The following SH2D1B variants were observed in gnomAD, a reference collection of about 807,000 sequenced individuals.
The protein encoded by SH2D1B is SH2 domain containing 1B.
Under a neutral mutation model 16.3 loss-of-function variants are expected in SH2D1B, and 11 were observed. That is an observed-to-expected ratio of 0.67 (90% CI 0.42 to 1.11). The LOEUF is 1.11. Among genes scored for constraint, SH2D1B ranks in the 50% most tolerant of loss-of-function variants. SH2D1B has a pLI of 0.00. For synonymous variants in SH2D1B, 55 were observed against 56.1 expected, an observed-to-expected ratio of 0.98 and a Z score of 0.09; for missense variants, 123 against 153.1, an observed-to-expected ratio of 0.80 and a Z score of 1.04.
chr1:162,399,721 ATC>A (rs1571271379), intron 2 of SH2D1B, among the ~76,000 whole-genome samples: 1 of 152,128 alleles, frequency 6.6e-6, no homozygotes, highest in Non-Finnish European at 1.5e-5. Flanking sequence ...ATGTGTTCTT[ATC>A]ATTCAGCTCC....
chr1:162,400,239 T>C (rs1648478502), intron 2 of SH2D1B, among the ~76,000 whole-genome samples: 1 of 151,872 alleles, frequency 6.6e-6, no homozygotes, highest in Admixed American at 6.6e-5. Flanking sequence ...CACAACTCAG[T>C]TAAGTTGTAA....
chr1:162,404,489 T>C (rs1648605488), intron 1 of SH2D1B, among the ~76,000 whole-genome samples: 1 of 152,210 alleles, frequency 6.6e-6, no homozygotes, highest in Non-Finnish European at 1.5e-5. Flanking sequence ...ATATATATTT[T>C]AAAACATCAC....
chr1:162,411,984 G>T lies in SH2D1B; in HGVS notation c.33C>A (p.Thr11=). 1.2e-6 allele frequency: 2 copies of T among 1,614,128 alleles called. No homozygotes were observed. Among genetic ancestry groups the T allele is most frequent in the Non-Finnish European group, 1.7e-6 (2 of 1,180,018 alleles). MDLPYYHGRL[T]KQDCETLLLK... ...GCAGCAAGGTCTCACAGTCTTGCTT[G>T]GTCAGACGTCCATGGTAGTAAGGCA... Residue 11 remains threonine (T), a synonymous_variant, in exon 1 of 4, where the codon ACC becomes ACA. Transcript: ENST00000367929.
At chr1:162,410,440 G>A (rs1323256724) in intron 1 of SH2D1B, among the ~76,000 whole-genome samples, 1 of 152,118 alleles carries the variant, frequency 6.6e-6, no homozygotes, top group Non-Finnish European at 1.5e-5. Flanking sequence ...AAGTGACATT[G>A]AGTAATTTTT....
chr1:162,411,319 T>C (rs1272726611), intron 1 of SH2D1B, among the ~76,000 whole-genome samples: 1 of 152,200 alleles, frequency 6.6e-6, no homozygotes, highest in African/African-American at 2.4e-5. Flanking sequence ...AACAAATTAT[T>C]TGAGAAATTC....
Position 162,412,112 on chromosome 1 carries a change from C to G in SH2D1B, c.-96G>C. 6.6e-7 allele frequency: 1 copy of G among 1,517,614 alleles called. No homozygotes were observed. The allele number at this position is 1,517,614 out of a possible 1,614,324, so 94.0% of individuals were successfully genotyped here. A position where few individuals can be genotyped will look rare whatever the true frequency, so the allele number is the denominator to read the frequency against. ...AGGAGAGATGTGTAAGCAGCTGTAC[C>G]TCCTGTGGAGCTACCTCTTCCTCTA... On this transcript the variant is annotated 5_prime_UTR_variant, in exon 1 of 4. Coordinates refer to ENST00000367929, the MANE Select transcript of SH2D1B (RefSeq NM_053282.5).
At position 162,399,048 on chromosome 1, in the gene SH2D1B, T is replaced by C. The variant is rs1374307009; in HGVS notation, c.238A>G (p.Lys80Glu). ...GSPKQVFPSLKELISKFEKPN... is the reference protein window; with the variant it reads ...GSPKQVFPSLEELISKFEKPN... ...TTTTCAAATTTGGAGATCAGTTCCT[T>C]TAGGCTTGGAAAGACCTGTTTTGGA... Residue 80 changes from lysine to glutamate, a missense_variant, in exon 3 of 4, where the codon AAG becomes GAG. Physicochemically the swap from Lys to Glu is moderately conservative, Grantham distance 56 (BLOSUM62 1). Transcript: ENST00000367929. The C allele has an allele frequency of 1.2e-6, 2 of 1,614,046 alleles. No homozygotes were observed. The highest frequency in any genetic ancestry group is 1.7e-5 in the Admixed American group (1 of 60,028).
intron 1 of SH2D1B, among the ~76,000 whole-genome samples, chr1:162,404,681 T>A (rs967053003): frequency 1.3e-5 from 2 of 152,128 alleles, no homozygotes; most frequent in South Asian, 4.1e-4. Flanking sequence ...GGATGGCAAA[T>A]AAGCACTCGT....
Position 162,411,890 on chromosome 1 carries a change from A to G in SH2D1B, c.127T>C (p.Cys43Arg), listed in dbSNP as rs1179574894. 1 of 1,614,058 alleles carries G rather than the reference A, an allele frequency of 6.2e-7. No homozygotes were observed. Among genetic ancestry groups the G allele is most frequent in the Non-Finnish European group, 8.5e-7 (1 of 1,180,046 alleles). Residue 43 changes from cysteine to arginine, a missense_variant, in exon 1 of 4, where the codon TGT (cysteine) becomes CGT (arginine). Cys to Arg is a radical substitution (Grantham distance 180, BLOSUM62 -3). Transcript: ENST00000367929. ...CAAGATGAGGCTACTCACGAGACAC[A>G]GAGGCACAGGACTCCTGGTATCGAC... ...SESIPGVLCL[C>R]VSFKNIVYTY... is the part of the protein sequence containing the mutation.
chr1:162,408,918 G>A (rs1014635837), intron 1 of SH2D1B, among the ~76,000 whole-genome samples: 3 of 151,956 alleles, frequency 2.0e-5, no homozygotes, highest in African/African-American at 7.2e-5. Context: ...AATCAGCCTG[G>A]GCAACATAGC....
chr1:162,403,161 A>G (rs1405982659), intron 1 of SH2D1B, among the ~76,000 whole-genome samples: 1 of 152,130 alleles, frequency 6.6e-6, no homozygotes, highest in Non-Finnish European at 1.5e-5. Flanking sequence ...GTATAGCCAT[A>G]TGGAAAACAG....
chr1:162,403,644 C>T (rs1648584445), intron 1 of SH2D1B, among the ~76,000 whole-genome samples: 1 of 143,700 alleles, frequency 7.0e-6, no homozygotes, highest in African/African-American at 2.6e-5. Context: ...CAATATTAGT[C>T]ACAATAGCCA....
In SH2D1B at chr1:162,399,533, C is replaced by T. The variant is rs140292460; in HGVS notation, c.199-446G>A. Among the ~76,000 whole-genome samples, 6 of 152,282 alleles carry T rather than the reference C, an allele frequency of 3.9e-5. No individual in the cohort carries two copies. The East Asian group carries it at 1.2e-3, about 29-fold the overall frequency. On this transcript the variant is annotated intron_variant, in intron 2 of 3. Transcript: ENST00000367929. ...TATTTTAAGTTCAGGGGTACATGTG[C>T]AGGATGTACAGGTTTGTTACATAGG...
rs772200783 is a variant in SH2D1B at position 162,397,243 on chromosome 1, T to C, written c.*37A>G. ...GTGGGTCATCAGTGAGAACTGTTAC[T>C]CATCTCTTCAACTTGCTTTGTCCGG... On this transcript the variant is annotated 3_prime_UTR_variant, in exon 4 of 4. Coordinates refer to ENST00000367929, the MANE Select transcript of SH2D1B (RefSeq NM_053282.5). The C allele has an allele frequency of 2.5e-6, 4 of 1,612,340 alleles. No individual in the cohort carries two copies. The highest frequency in any genetic ancestry group is 3.4e-6 in the Non-Finnish European group (4 of 1,178,566).
At chr1:162,408,877 G>A in intron 1 of SH2D1B, among the ~76,000 whole-genome samples, 1 of 152,108 alleles carries the variant, frequency 6.6e-6, no homozygotes, top group South Asian at 2.1e-4. Flanking sequence ...GGAGGCTGAG[G>A]TGGGTGGATC....
intron 1 of SH2D1B, among the ~76,000 whole-genome samples, chr1:162,403,772 A>C (rs1486115413): frequency 6.6e-6 from 1 of 151,242 alleles, no homozygotes; most frequent in Non-Finnish European, 1.5e-5. Context: ...TAGAAAAATA[A>C]AATCCTGTTA....
chr1:162,395,663 A>G lies in SH2D1B; in HGVS notation c.*1617T>C, dbSNP rs1648356246. On this transcript the variant is annotated 3_prime_UTR_variant, in exon 4 of 4. Transcript: ENST00000367929. ...AGAAAACACAATAGAATCAACAGGT[A>G]AACTAGTAGATCTAATGAGAGGGTT... The G allele has an allele frequency of 6.6e-6, 1 of 152,242 alleles. No homozygotes were observed. Among genetic ancestry groups the G allele is most frequent in the African/African-American group, 2.4e-5 (1 of 41,472 alleles). 9.4% of individuals were successfully genotyped at this position (152,242 alleles called of 1,614,324 possible).
In SH2D1B at chr1:162,395,800, A is replaced by G. The variant is rs1048940950; in HGVS notation, c.*1480T>C. On this transcript the variant is annotated 3_prime_UTR_variant, in exon 4 of 4. Transcript: ENST00000367929. Reference sequence around the variant, plus strand: ...CAGAATATACAAGACTTCAGTTGGGAAAATTTATGACTCCATGAAAGGGCA... The same window carrying G: ...CAGAATATACAAGACTTCAGTTGGGGAAATTTATGACTCCATGAAAGGGCA... The G allele has an allele frequency of 6.6e-6, 1 of 152,228 alleles. No individual in the cohort carries two copies. The highest frequency in any genetic ancestry group is 2.4e-5 in the African/African-American group (1 of 41,454). The allele number at this position is 152,228 out of a possible 1,614,324, so 9.4% of individuals were successfully genotyped here.
At chr1:162,405,303 G>A (rs1159053427) in intron 1 of SH2D1B, among the ~76,000 whole-genome samples, 1 of 152,130 alleles carries the variant, frequency 6.6e-6, no homozygotes, top group African/African-American at 2.4e-5. Context: ...ATTACAAAGG[G>A]GTGCAAGTGA....
Sources: allele counts gnomAD v4.1 joint callset (sites outside exome capture counted in the v4.1 genomes callset), GRCh38; gene constraint gnomAD v4.1.1; transcripts MANE v1.5; gene names NCBI Gene and HGNC (gene_info 2026-07-23, HGNC 2026-07-21).